The following CLIC6 variants were observed in gnomAD, a reference collection of about 807,000 sequenced individuals.
The protein encoded by CLIC6 is CLIC family member 6.
CLIC6 carries 39 observed loss-of-function variants against 49.2 expected under a neutral mutation model. The ratio of observed to expected loss-of-function variants is 0.79; its 90% confidence interval spans 0.61 to 1.04. The LOEUF (loss-of-function observed/expected upper bound fraction) is 1.04. Ranked by LOEUF, CLIC6 falls within the 50% of genes least tolerant of loss-of-function variation. The pLI is 0.00. For missense variants in CLIC6, 988 were observed against 993.1 expected (o/e 0.99, Z 0.07); for synonymous variants, 446 against 433.4 (o/e 1.03, Z -0.36).
intron 5 of CLIC6, among the ~76,000 whole-genome samples, chr21:34,714,873 G>T (rs771942910): frequency 6.6e-6 from 1 of 152,162 alleles, no homozygotes; most frequent in African/African-American, 2.4e-5. Flanking sequence ...CATAGGCATG[G>T]CCTTAAACAA....
chr21:34,699,094 T>C (rs1990141192), intron 1 of CLIC6, among the ~76,000 whole-genome samples: 1 of 152,224 alleles, frequency 6.6e-6, no homozygotes, highest in South Asian at 2.1e-4. Flanking sequence ...ATTTAGCATC[T>C]CTGAAGTTCA....
chr21:34,704,586 G>A (rs982425670), intron 1 of CLIC6, among the ~76,000 whole-genome samples: 1 of 152,182 alleles, frequency 6.6e-6, no homozygotes, highest in Non-Finnish European at 1.5e-5. Context: ...TTTCTTCCGT[G>A]TCTTAAGCTG....
intron 1 of CLIC6, among the ~76,000 whole-genome samples, chr21:34,672,087 A>G (rs1989577857): frequency 6.6e-6 from 1 of 152,206 alleles, no homozygotes; most frequent in African/African-American, 2.4e-5. Context: ...GCCTCTTAGC[A>G]CAGTTTTGAT....
intron 1 of CLIC6, 41 bp from the exon 2 acceptor site, chr21:34,707,239 G>A: frequency 2.1e-6 from 3 of 1,456,768 alleles, no homozygotes; most frequent in Non-Finnish European, 2.9e-6. Context: ...ACTTATAATT[G>A]TGAGACTGGC....
At chr21:34,707,102 C>T (rs2056019523) in intron 1 of CLIC6, among the ~76,000 whole-genome samples, 178 bp from the exon 2 acceptor site, 1 of 152,126 alleles carries the variant, frequency 6.6e-6, no homozygotes, top group African/African-American at 2.4e-5. Context: ...GTTCTCTCCC[C>T]TAACCCCTAC....
At chr21:34,698,756 G>A (rs1187162957) in intron 1 of CLIC6, among the ~76,000 whole-genome samples, 2 of 152,238 alleles carry the variant, frequency 1.3e-5, no homozygotes, top group African/African-American at 4.8e-5. Context: ...TGGGAGCACT[G>A]TGATTCCAAT....
chr21:34,674,459 G>A (rs1158579096), intron 1 of CLIC6, among the ~76,000 whole-genome samples: 1 of 152,190 alleles, frequency 6.6e-6, no homozygotes, highest in Non-Finnish European at 1.5e-5. Flanking sequence ...GGCTAACTAT[G>A]TAGTAACATG....
At chr21:34,681,244 A>G (rs889291428) in intron 1 of CLIC6, among the ~76,000 whole-genome samples, 4 of 152,272 alleles carry the variant, frequency 2.6e-5, no homozygotes, top group African/African-American at 9.6e-5. Context: ...GAAGCCATTT[A>G]TAAAGCCATC....
In CLIC6 at chr21:34,708,030, A is replaced by G. The variant is rs766046245; in HGVS notation, c.1571A>G (p.Lys524Arg). ...GGTGAAGTCAAGACGGATGTGAATAAGATCGAGGAGTTCTTAGAGGAGAAA... is the reference window on the plus strand; with the variant it reads ...GGTGAAGTCAAGACGGATGTGAATAGGATCGAGGAGTTCTTAGAGGAGAAA... ...FDGEVKTDVNKIEEFLEEKLA... is the reference protein window; with the variant it reads ...FDGEVKTDVNRIEEFLEEKLA... Residue 524 changes from lysine to arginine, a missense_variant, in exon 3 of 6, where the codon AAG becomes AGG. Lys to Arg is a conservative substitution (Grantham distance 26). Transcript: ENST00000349499. The G allele has an allele frequency of 9.9e-6, 16 of 1,614,174 alleles. No individual in the cohort carries two copies. Among genetic ancestry groups the G allele is most frequent in the Non-Finnish European group, 9.3e-6 (11 of 1,180,020 alleles).
intron 1 of CLIC6, among the ~76,000 whole-genome samples, chr21:34,671,338 CA>C (rs1989564276): frequency 6.6e-6 from 1 of 152,022 alleles, no homozygotes; most frequent in Non-Finnish European, 1.5e-5. Flanking sequence ...GTAGAATCAA[CA>C]ATGTACGTTT....
chr21:34,695,722 C>T (rs1163646668), intron 1 of CLIC6, among the ~76,000 whole-genome samples: 1 of 152,224 alleles, frequency 6.6e-6, no homozygotes, highest in Non-Finnish European at 1.5e-5. Flanking sequence ...AGTGGCCTTA[C>T]TTGGTGTGCT....
intron 5 of CLIC6, among the ~76,000 whole-genome samples, chr21:34,714,596 G>A (rs2056075465): frequency 6.6e-6 from 1 of 151,388 alleles, no homozygotes; most frequent in South Asian, 2.1e-4. Context: ...GCTGAGGGAG[G>A]AAAATCGCTT....
rs1179700721 is a variant in CLIC6 at position 34,669,222 on chromosome 21, G to A, written c.-167G>A. Among the ~76,000 whole-genome samples the A allele has an allele frequency of 1.3e-5, 2 of 152,234 alleles. No homozygotes were observed. Among genetic ancestry groups the A allele is most frequent in the Middle Eastern group, 6.3e-3 (2 of 316 alleles). On this transcript the variant is annotated 5_prime_UTR_variant, in exon 1 of 6. Transcript: ENST00000349499. ...GGGCCAAGCGGAGTTTGCCCTGCGG[G>A]TCCTGCGCAAGGCCCCAGTGCCCCG...
intron 5 of CLIC6, among the ~76,000 whole-genome samples, chr21:34,714,843 A>G (rs1435191379): frequency 6.6e-6 from 1 of 152,162 alleles, no homozygotes; most frequent in African/African-American, 2.4e-5. Context: ...AAGAAAGAAA[A>G]CCAAGTTCAG....
chr21:34,673,938 T>C (rs77660670), intron 1 of CLIC6, among the ~76,000 whole-genome samples: 108 of 152,310 alleles, frequency 7.1e-4, no homozygotes, highest in African/African-American at 2.2e-3. Flanking sequence ...CATGCCTAGA[T>C]GCGTCTTCAT....
rs1410459233 is a variant in CLIC6, at chr21:34,669,706, G to A, written c.318G>A (p.Gln106=). ...GAGGGGAGGAGACAAGCGGCGCGCA[G>A]CAGGTGGAGGGGGCGAGCCCGGGAC... is the stretch of plus-strand genomic sequence containing the variant. ...PQGGEETSGA[Q]QVEGASPGRG... is the part of the protein sequence containing the mutation. Residue 106 remains glutamine (Q), a synonymous_variant, in exon 1 of 6, where the codon CAG becomes CAA. Coordinates refer to ENST00000349499, the MANE Select transcript of CLIC6 (RefSeq NM_053277.3). 7.3e-7 allele frequency: 1 copy of A among 1,369,180 alleles called. No individual in the cohort carries two copies. The highest frequency in any genetic ancestry group is 9.4e-7 in the Non-Finnish European group (1 of 1,068,536). The allele number at this position is 1,369,180 out of a possible 1,614,324, so 84.8% of individuals were successfully genotyped here. A position where few individuals can be genotyped will look rare whatever the true frequency, so the allele number is the denominator to read the frequency against.
At chr21:34,708,842 C>G in intron 4 of CLIC6, 36 bp downstream of exon 4, 3 of 1,458,468 alleles carry the variant, frequency 2.1e-6, no homozygotes, top group Non-Finnish European at 1.9e-6. Context: ...TGTTTCAACA[C>G]AGACTTGAGT....
intron 1 of CLIC6, among the ~76,000 whole-genome samples, chr21:34,688,220 G>A (rs1298589516): frequency 6.6e-6 from 1 of 152,168 alleles, no homozygotes; most frequent in Non-Finnish European, 1.5e-5. Flanking sequence ...TGAAAACGAG[G>A]GGACACAATA....
chr21:34,671,352 G>T (rs891016156), intron 1 of CLIC6, among the ~76,000 whole-genome samples: 2 of 152,116 alleles, frequency 1.3e-5, no homozygotes, highest in Non-Finnish European at 2.9e-5. Context: ...GTACGTTTAG[G>T]GGGGAATGGA....
Sources: allele counts gnomAD v4.1 joint callset (sites outside exome capture counted in the v4.1 genomes callset), GRCh38; gene constraint gnomAD v4.1.1; transcripts MANE v1.5; gene names NCBI Gene and HGNC (gene_info 2026-07-23, HGNC 2026-07-21).